The following EIF6 variants were observed in gnomAD, a reference collection of about 807,000 sequenced individuals.
EIF6 encodes the protein B4 integrin interactor.
EIF6 carries 10 observed loss-of-function variants against 25.5 expected under a neutral mutation model. The observed-to-expected ratio is 0.39, with a 90% CI of 0.24 to 0.66. The LOEUF (loss-of-function observed/expected upper bound fraction) is 0.66, where lower values mean the gene tolerates loss of function less well. Ranked by LOEUF, EIF6 falls within the 30% of genes least tolerant of loss-of-function variation. The pLI, the probability that EIF6 is intolerant of heterozygous loss-of-function variation, is 0.45. For synonymous variants in EIF6, 122 were observed against 122.6 expected, an observed-to-expected ratio of 1.00 and a Z score of 0.03; for missense variants, 246 against 315.4, an observed-to-expected ratio of 0.78 and a Z score of 1.67.
At position 35,280,767 on chromosome 20, in the gene EIF6, T is replaced by C; in HGVS notation, c.256A>G (p.Asn86Asp). ...TTDQELQHIRNSLPDTVQIRR... is the reference protein window; with the variant it reads ...TTDQELQHIRDSLPDTVQIRR... The stretch of plus-strand genomic sequence containing the variant: ...ATCTGCACTGTGTCTGGGAGGCTGT[T>C]GCGAATGTGTTGCAGCTCCTGGTCG... The change falls in exon 4 of 7, where the codon AAC becomes GAC. Residue 86 changes from asparagine (N) to aspartate (D), a missense_variant. Transcript: ENST00000374450. The C allele has an allele frequency of 6.2e-7, 1 of 1,614,130 alleles. No individual in the cohort carries two copies. The highest frequency in any genetic ancestry group is 8.5e-7 in the Non-Finnish European group (1 of 1,179,996).
Position 35,278,996 on chromosome 20 carries a change from C to T in EIF6, c.*201G>A, listed in dbSNP as rs2060744740. 7 of 666,226 alleles carry T rather than the reference C, an allele frequency of 1.1e-5. No homozygotes were observed. In the South Asian group the frequency reaches 1.1e-4, roughly 10 times the overall value. 41.3% of individuals were successfully genotyped at this position (666,226 alleles called of 1,614,324 possible). A position where few individuals can be genotyped will look rare whatever the true frequency, so the allele number is the denominator to read the frequency against. The stretch of plus-strand genomic sequence containing the variant: ...AGCCAGCAGCCACAGGGCCTGCCAG[C>T]CAGCACAACAGAGCAGGTTTTTGCA... On this transcript the variant is annotated 3_prime_UTR_variant, in exon 7 of 7. Coordinates refer to ENST00000374450, the MANE Select transcript of EIF6 (RefSeq NM_002212.4).
In EIF6 at chr20:35,280,016, CCT is replaced by C. The variant is rs2060759896; in HGVS notation, c.470_471del (p.Gln157ArgfsTer11). 5 of 1,614,120 alleles carry C rather than the reference CCT, an allele frequency of 3.1e-6. No homozygotes were observed. Among genetic ancestry groups the C allele is most frequent in the Non-Finnish European group, 4.2e-6 (5 of 1,180,052 alleles). On this transcript the variant is annotated frameshift_variant, in exon 5 of 7. Transcript: ENST00000374450. LOFTEE classifies it high-confidence loss of function. The part of the protein sequence containing the change: ...LVGSYCVFSN[Q>X]GGLVHPKTSI... ...GAAGTCTTGGGATGCACCAGCCCTC[CCT>C]GATTGCTGAAGACACAGTAGCTTCC... is the stretch of plus-strand genomic sequence containing the variant.
rs2060765327 is a variant in EIF6, at chr20:35,280,566, C to T, written c.369+88G>A. 4.7e-6 allele frequency: 7 copies of T among 1,491,512 alleles called. No individual in the cohort carries two copies. The South Asian group carries it at 8.7e-5, about 19-fold the overall frequency. The allele number at this position is 1,491,512 out of a possible 1,614,324, so 92.4% of individuals were successfully genotyped here. A position where few individuals can be genotyped will look rare whatever the true frequency, so the allele number is the denominator to read the frequency against. ...CATATAGAAAAACCACAGGAGAGAC[C>T]CCTAATTGCTGCCTGTTGGGAAAGA... On this transcript the variant is annotated intron_variant, in intron 4 of 6. Transcript: ENST00000374450.
rs986598498 is a variant in EIF6, at chr20:35,284,767, T to C, written c.-47A>G. On this transcript the variant is annotated 5_prime_UTR_variant, in exon 1 of 7. Transcript: ENST00000374450. ...AGCTCCGCACGCGGCGACTGTACCT[T>C]GGACTCCCTAAAAAGGTTTCCGTTT... 4 of 464,232 alleles carry C rather than the reference T, an allele frequency of 8.6e-6. No individual in the cohort carries two copies. Among genetic ancestry groups the C allele is most frequent in the Non-Finnish European group, 1.5e-5 (4 of 258,294 alleles). The allele number at this position is 464,232 out of a possible 1,614,324, so 28.8% of individuals were successfully genotyped here.
intron 6 of EIF6, 37 bp from the exon 7 acceptor site, chr20:35,279,243 TCA>T (rs1244250042): frequency 1.2e-6 from 2 of 1,610,748 alleles, no homozygotes; most frequent in African/African-American, 1.3e-5. Flanking sequence ...AGTAGCTGTT[TCA>T]CAGAGCCCAC....
At chr20:35,280,574 G>T in intron 4 of EIF6, 80 bp downstream of exon 4, 1 of 1,528,732 alleles carries the variant, frequency 6.5e-7, no homozygotes, top group Non-Finnish European at 8.9e-7. Context: ...ACCCCTAATT[G>T]CTGCCTGTTG....
intron 3 of EIF6, among the ~76,000 whole-genome samples, chr20:35,283,063 G>T (rs1249982153): frequency 4.6e-5 from 7 of 151,912 alleles, no homozygotes; most frequent in Non-Finnish European, 1.0e-4. Context: ...AGGCCGAGGT[G>T]GGAGGATCAC....
At chr20:35,279,434 T>TAA in intron 6 of EIF6, 132 bp downstream of exon 6, 1 of 1,292,588 alleles carries the variant, frequency 7.7e-7, no homozygotes, top group East Asian at 2.3e-5. Flanking sequence ...AGTGTACAGA[T>TAA]ATGCTCTCAC....
At chr20:35,280,209 C>T in intron 4 of EIF6, 91 bp from the exon 5 acceptor site, 1 of 1,384,278 alleles carries the variant, frequency 7.2e-7, no homozygotes, top group South Asian at 1.3e-5. Context: ...GCCTTGGCTC[C>T]CTGAGCCCCT....
In EIF6 at chr20:35,279,081, G is replaced by A; in HGVS notation, c.*116C>T. The A allele has an allele frequency of 7.3e-7, 1 of 1,374,772 alleles. No homozygotes were observed. The highest frequency in any genetic ancestry group is 1.0e-6 in the Non-Finnish European group (1 of 972,144). The allele number at this position is 1,374,772 out of a possible 1,614,324, so 85.2% of individuals were successfully genotyped here. ...AAAGGGTTGGGTGCCCAGCCCCTCA[G>A]TCCCAGTGAGCTCTCTGCCACCTCC... On this transcript the variant is annotated 3_prime_UTR_variant, in exon 7 of 7. Transcript: ENST00000374450.
intron 3 of EIF6, among the ~76,000 whole-genome samples, chr20:35,282,119 G>A (rs1256983092): frequency 6.6e-6 from 1 of 151,630 alleles, no homozygotes; most frequent in East Asian, 1.9e-4. Context: ...CTCCCAAGTA[G>A]CTGGGACTAC....
Position 35,279,746 on chromosome 20 carries a change from G to A in EIF6, c.548C>T (p.Ala183Val), listed in dbSNP as rs199963486. 1.9e-5 allele frequency: 30 copies of A among 1,613,948 alleles called. No individual in the cohort carries two copies. The highest frequency in any genetic ancestry group is 1.1e-4 in the African/African-American group (8 of 75,012). ...CTCACTGCCTCGGTTCACAGTCCCC[G>A]CCTGCCAAGGGATGGGCTCAATGTG... ...LSSLLQVPLV[A>V]GTVNRGSEVI... Residue 183 changes from alanine to valine, a missense_variant and splice_region_variant, in exon 6 of 7, where the codon GCG becomes GTG. Physicochemically the swap from Ala to Val is moderately conservative, Grantham distance 64. Transcript: ENST00000374450.
chr20:35,279,980 G>C lies in EIF6; in HGVS notation c.508C>G (p.Gln170Glu), dbSNP rs1408529632. 6.2e-7 allele frequency: 1 copy of C among 1,614,164 alleles called. No individual in the cohort carries two copies. Among genetic ancestry groups the C allele is most frequent in the South Asian group, 1.1e-5 (1 of 91,074 alleles). ...TGAAGAAGAGAGGACAGCTCATCCT[G>C]GTCTTCAATTGAAGTCTTGGGATGC... Reference protein sequence around the residue: ...LVHPKTSIEDQDELSSLLQVP... With the variant: ...LVHPKTSIEDEDELSSLLQVP... Residue 170 changes from glutamine to glutamate, a missense_variant, in exon 5 of 7, where the codon CAG becomes GAG. Coordinates refer to ENST00000374450, the MANE Select transcript of EIF6 (RefSeq NM_002212.4).
intron 3 of EIF6, among the ~76,000 whole-genome samples, chr20:35,281,669 C>T (rs1159605686): frequency 6.6e-6 from 1 of 151,802 alleles, no homozygotes. Context: ...TGGTCTCGAA[C>T]TCCTAACCTC....
In EIF6 at chr20:35,284,395, T is replaced by C. The variant is rs755309909; in HGVS notation, c.93A>G (p.Ser31=). 5 of 1,613,842 alleles carry C rather than the reference T, an allele frequency of 3.1e-6. No homozygotes were observed. The highest frequency in any genetic ancestry group is 3.3e-5 in the Admixed American group (2 of 60,008). ...NTYCLVAIGG[S]ENFYSVFEGE... ...TCCCGCCGCACCTGTAGAAGTTCTC[T>C]GAGCCTCCGATCGCTACCAGACAGT... The change falls in exon 2 of 7, where the codon TCA becomes TCG. Residue 31 remains serine, a synonymous_variant. Coordinates refer to ENST00000374450, the MANE Select transcript of EIF6 (RefSeq NM_002212.4).
Position 35,279,750 on chromosome 20 carries a change from G to A in EIF6, c.547-3C>T. The A allele has an allele frequency of 1.2e-6, 2 of 1,614,020 alleles. No individual in the cohort carries two copies. The highest frequency in any genetic ancestry group is 1.7e-6 in the Non-Finnish European group (2 of 1,179,938). On this transcript the variant is annotated splice_region_variant and splice_polypyrimidine_tract_variant and intron_variant, in intron 5 of 6. Coordinates refer to ENST00000374450, the MANE Select transcript of EIF6 (RefSeq NM_002212.4). The stretch of plus-strand genomic sequence containing the variant: ...CTGCCTCGGTTCACAGTCCCCGCCT[G>A]CCAAGGGATGGGCTCAATGTGAGTC...
Position 35,279,001 on chromosome 20 carries a change from A to T in EIF6, c.*196T>A. Reference sequence around the variant, plus strand: ...GCAGCCACAGGGCCTGCCAGCCAGCACAACAGAGCAGGTTTTTGCAGTAAT... The same window carrying T: ...GCAGCCACAGGGCCTGCCAGCCAGCTCAACAGAGCAGGTTTTTGCAGTAAT... On this transcript the variant is annotated 3_prime_UTR_variant, in exon 7 of 7. Coordinates refer to ENST00000374450, the MANE Select transcript of EIF6 (RefSeq NM_002212.4). 1.5e-6 allele frequency: 1 copy of T among 686,112 alleles called. No individual in the cohort carries two copies. Among genetic ancestry groups the T allele is most frequent in the Non-Finnish European group, 2.5e-6 (1 of 396,622 alleles). 42.5% of individuals were successfully genotyped at this position (686,112 alleles called of 1,614,324 possible). A position where few individuals can be genotyped will look rare whatever the true frequency, so the allele number is the denominator to read the frequency against.
At chr20:35,280,852 G>T in intron 3 of EIF6, 23 bp from the exon 4 acceptor site, 1 of 1,612,080 alleles carries the variant, frequency 6.2e-7, no homozygotes, top group African/African-American at 1.3e-5. Flanking sequence ...AAATTAGAGG[G>T]TGAATACACA....
intron 2 of EIF6, 36 bp from the exon 3 acceptor site, chr20:35,284,297 G>A: frequency 6.2e-7 from 1 of 1,613,854 alleles, no homozygotes; most frequent in African/African-American, 1.3e-5. Flanking sequence ...GCGGGGCAGA[G>A]GGGCCGGCAC....
Sources: allele counts gnomAD v4.1 joint callset (sites outside exome capture counted in the v4.1 genomes callset), GRCh38; gene constraint gnomAD v4.1.1; transcripts MANE v1.5; gene names NCBI Gene and HGNC (gene_info 2026-07-23, HGNC 2026-07-21).